The following SYNE2 variants were observed in gnomAD, a reference collection of about 807,000 sequenced individuals.
SYNE2 encodes the protein nesprin-2.
Under a neutral mutation model 856.3 loss-of-function variants are expected in SYNE2, and 431 were observed. The observed-to-expected ratio is 0.50, with a 90% CI of 0.47 to 0.55. SYNE2 has a LOEUF of 0.55. SYNE2 is among the 20% of genes least tolerant of loss of function. SYNE2 has a pLI of 0.00. For synonymous variants in SYNE2, 2,923 were observed against 2,872.3 expected, an observed-to-expected ratio of 1.02 and a Z score of -0.56; for missense variants, 8,129 against 8,023.2, an observed-to-expected ratio of 1.01 and a Z score of -0.50.
chr14:64,226,252 G>A lies in SYNE2; in HGVS notation c.*726G>A, dbSNP rs931360591. The A allele has an allele frequency of 1.4e-5, 2 of 147,394 alleles. No homozygotes were observed. The highest frequency in any genetic ancestry group is 5.0e-5 in the African/African-American group (2 of 40,050). 9.1% of individuals were successfully genotyped at this position (147,394 alleles called of 1,614,324 possible). On this transcript the variant is annotated 3_prime_UTR_variant, in exon 116 of 116. Transcript: ENST00000555002. ...AAAGTAAATGCCAAACTACCGACTTGATAGGGATGTTTTTGTAAGTTAATT... is the reference window on the plus strand; with the variant it reads ...AAAGTAAATGCCAAACTACCGACTTAATAGGGATGTTTTTGTAAGTTAATT...
chr14:63,930,459 C>A (rs1323266616), intron 2 of SYNE2, among the ~76,000 whole-genome samples: 1 of 151,730 alleles, frequency 6.6e-6, no homozygotes, highest in Non-Finnish European at 1.5e-5. Context: ...CATTCATGTG[C>A]TGGGACCCTT....
chr14:63,797,318 G>C (rs1174593223), intron 1 of SYNE2, among the ~76,000 whole-genome samples: 1 of 151,624 alleles, frequency 6.6e-6, no homozygotes, highest in Non-Finnish European at 1.5e-5. Flanking sequence ...TTGAACCCAG[G>C]AGGCGGAGGT....
intron 2 of SYNE2, among the ~76,000 whole-genome samples, chr14:63,933,129 T>A (rs1211898658): frequency 6.6e-6 from 1 of 152,172 alleles, no homozygotes; most frequent in African/African-American, 2.4e-5. Context: ...AATTCTTTGA[T>A]GAGAAGAGGT....
At chr14:63,891,447 T>C (rs2095130110) in intron 1 of SYNE2, among the ~76,000 whole-genome samples, 1 of 152,158 alleles carries the variant, frequency 6.6e-6, no homozygotes, top group African/African-American at 2.4e-5. Context: ...TTAAAGTGCC[T>C]TCTTCATTGA....
chr14:63,773,452 C>CA (rs1461812699), intron 1 of SYNE2, among the ~76,000 whole-genome samples: 1 of 152,102 alleles, frequency 6.6e-6, no homozygotes, highest in Non-Finnish European at 1.5e-5. Flanking sequence ...CCACCCGCCT[C>CA]ACCCTTCTAA....
rs1003126327 is a variant in SYNE2 at position 63,991,931 on chromosome 14, C to T, written c.2646+816C>T. Among the ~76,000 whole-genome samples, 5 of 150,070 alleles carry T rather than the reference C, an allele frequency of 3.3e-5. No homozygotes were observed. The South Asian group carries it at 8.6e-4, about 26-fold the overall frequency. On this transcript the variant is annotated intron_variant, in intron 21 of 115. Coordinates refer to ENST00000555002, the MANE Select transcript of SYNE2 (RefSeq NM_182914.3). Reference sequence around the variant, plus strand: ...TAGGAGTCTCTCTTCATTCTCATCACGGCCTCTGTCTGTCTTCTGGGCCTC... The same window carrying T: ...TAGGAGTCTCTCTTCATTCTCATCATGGCCTCTGTCTGTCTTCTGGGCCTC...
At chr14:63,841,701 G>A (rs1431506336) in intron 1 of SYNE2, among the ~76,000 whole-genome samples, 2 of 152,018 alleles carry the variant, frequency 1.3e-5, no homozygotes, top group Non-Finnish European at 2.9e-5. Flanking sequence ...GATAGTAAAT[G>A]ATATTTCTGT....
At chr14:64,065,765 C>T (rs2097354545) in intron 51 of SYNE2, 115 bp downstream of exon 51, 2 of 1,129,776 alleles carry the variant, frequency 1.8e-6, no homozygotes, top group Non-Finnish European at 2.6e-6. Context: ...CATTTGTGCA[C>T]ATCACTTATA....
intron 1 of SYNE2, among the ~76,000 whole-genome samples, chr14:63,896,653 G>C (rs2153300744): frequency 6.6e-6 from 1 of 152,318 alleles, no homozygotes; most frequent in Non-Finnish European, 1.5e-5. Context: ...GATTGCCCAA[G>C]GCCGAGTGGT....
At chr14:63,908,559 A>G (rs2095436063) in intron 1 of SYNE2, among the ~76,000 whole-genome samples, 1 of 152,244 alleles carries the variant, frequency 6.6e-6, no homozygotes, top group Non-Finnish European at 1.5e-5. Flanking sequence ...AAAATAATTC[A>G]ATATATTAGA....
At chr14:64,049,429 AAATAATAATAATAAT>A in intron 46 of SYNE2, 167 bp from the exon 47 acceptor site, 1 of 168,876 alleles carries the variant, frequency 5.9e-6, no homozygotes, top group Non-Finnish European at 1.1e-5. Flanking sequence ...CTGGGTGACA[AAATAATAATAATAAT>A]AATAATAATA....
In SYNE2 at chr14:64,126,581, C is replaced by T. The variant is rs978505195; in HGVS notation, c.13708-17C>T. ...AGGTCAGAGCTCATTCATTGTCTTC[C>T]TTCCTCTCCACTCCAGACGCTGGCT... On this transcript the variant is annotated splice_polypyrimidine_tract_variant and intron_variant, in intron 72 of 115. Transcript: ENST00000555002. 1.2e-6 allele frequency: 2 copies of T among 1,614,174 alleles called. No homozygotes were observed. The highest frequency in any genetic ancestry group is 1.1e-5 in the South Asian group (1 of 91,080).
intron 1 of SYNE2, among the ~76,000 whole-genome samples, chr14:63,879,617 A>G (rs1404986268): frequency 6.6e-6 from 1 of 152,258 alleles, no homozygotes; most frequent in Non-Finnish European, 1.5e-5. Context: ...GAGTGGTAAT[A>G]TGTAACTTTA....
At chr14:64,095,531 T>C (rs867585070) in intron 61 of SYNE2, among the ~76,000 whole-genome samples, 3 of 152,206 alleles carry the variant, frequency 2.0e-5, no homozygotes, top group African/African-American at 7.2e-5. Context: ...TAGTTGTTAA[T>C]ATTAACACTT....
intron 8 of SYNE2, chr14:63,960,893 T>C (rs1345155673): frequency 3.4e-6 from 2 of 588,634 alleles, no homozygotes; most frequent in Non-Finnish European, 6.1e-6. Flanking sequence ...AAATAAAAAA[T>C]AAGATAAATA....
rs780736831 is a variant in SYNE2 at position 64,053,646 on chromosome 14, G to T, written c.9733G>T (p.Asp3245Tyr). 3.1e-6 allele frequency: 5 copies of T among 1,613,302 alleles called. No individual in the cohort carries two copies. The East Asian group carries it at 8.9e-5, about 29-fold the overall frequency. Residue 3245 changes from aspartate (D) to tyrosine (Y), a missense_variant, in exon 48 of 116, where the codon GAT becomes TAT. By Grantham distance (160) the Asp-to-Tyr change is radical. Transcript: ENST00000555002. ...DLQMQLNTSI[D>Y]LRTNVLNDAY... ...TCAGATGCAGCTTAACACAAGCATT[G>T]ATTTGCGCACAGTAAGTTTTAAAAA...
intron 1 of SYNE2, among the ~76,000 whole-genome samples, chr14:63,861,083 A>G (rs532580111): frequency 1.3e-5 from 2 of 151,742 alleles, no homozygotes; most frequent in Non-Finnish European, 2.9e-5. Flanking sequence ...ACAATCTTTG[A>G]GATTTTTTCC....
chr14:63,837,722 C>G (rs1369307136), intron 1 of SYNE2, among the ~76,000 whole-genome samples: 3 of 151,668 alleles, frequency 2.0e-5, no homozygotes, highest in African/African-American at 7.3e-5. Flanking sequence ...TGAGACCAGC[C>G]TGGGCAATAT....
At chr14:63,853,764 G>A (rs890874665) in intron 1 of SYNE2, among the ~76,000 whole-genome samples, 1 of 151,834 alleles carries the variant, frequency 6.6e-6, no homozygotes, top group Non-Finnish European at 1.5e-5. Context: ...GGCGGGTGCG[G>A]CAGCCTAGCG....
Sources: allele counts gnomAD v4.1 joint callset (sites outside exome capture counted in the v4.1 genomes callset), GRCh38; gene constraint gnomAD v4.1.1; transcripts MANE v1.5; gene names NCBI Gene and HGNC (gene_info 2026-07-23, HGNC 2026-07-21).